The following ATF3 variants were observed in gnomAD, a reference collection of about 807,000 sequenced individuals.
The protein encoded by ATF3 is cyclic AMP-dependent transcription factor ATF-3.
In ATF3, 10 loss-of-function variants were observed where a neutral mutation model predicts 18.4. The ratio of observed to expected loss-of-function variants is 0.54; its 90% CI spans 0.34 to 0.92. The LOEUF is 0.92. Among genes scored for constraint, ATF3 ranks in the 40% least tolerant of loss-of-function variants. ATF3 has a pLI of 0.02. For missense variants in ATF3, 183 were observed against 222.3 expected (o/e 0.82, Z 1.12); for synonymous variants, 78 against 87.9 (o/e 0.89, Z 0.63).
At chr1:212,567,527 G>A (rs1664406493) in intron 1 of ATF3, among the ~76,000 whole-genome samples, 1 of 152,170 alleles carries the variant, frequency 6.6e-6, no homozygotes. Context: ...TCCAGATCTA[G>A]CATTGTTATC....
At chr1:212,614,380 A>C (rs929205119) in intron 1 of ATF3, among the ~76,000 whole-genome samples, 2 of 152,130 alleles carry the variant, frequency 1.3e-5, no homozygotes, top group African/African-American at 4.8e-5. Context: ...ACTGGGGTGA[A>C]GAAACGCACC....
intron 1 of ATF3, among the ~76,000 whole-genome samples, chr1:212,602,220 G>A (rs1324150014): frequency 6.6e-6 from 1 of 152,164 alleles, no homozygotes; most frequent in African/African-American, 2.4e-5. Flanking sequence ...CCCAAGGATA[G>A]TATGCCTTGC....
rs1359628691 is a variant in ATF3 at position 212,619,601 on chromosome 1, A to G, written c.*46A>G. 1.2e-6 allele frequency: 2 copies of G among 1,606,214 alleles called. No homozygotes were observed. Among genetic ancestry groups the G allele is most frequent in the Non-Finnish European group, 1.7e-6 (2 of 1,175,936 alleles). The stretch of plus-strand genomic sequence containing the variant: ...ACTGGGGAGTCCTCATTGAATCCTC[A>G]TTTTATACCCAAAACCCTGAAGCCA... On this transcript the variant is annotated 3_prime_UTR_variant, in exon 4 of 4. Transcript: ENST00000341491. The surrounding 1 kb of genome is among the most constrained non-coding windows in gnomAD (Gnocchi z 4.4).
At chr1:212,566,553 C>T (rs1664386096) in intron 1 of ATF3, among the ~76,000 whole-genome samples, 1 of 152,116 alleles carries the variant, frequency 6.6e-6, no homozygotes, top group African/African-American at 2.4e-5. Context: ...TTTGGGGTTA[C>T]TGGCAGGTTG....
chr1:212,568,836 C>T (rs1438311627), intron 1 of ATF3, among the ~76,000 whole-genome samples: 4 of 152,206 alleles, frequency 2.6e-5, no homozygotes, highest in Non-Finnish European at 5.9e-5. Context: ...ACCTCCCCAA[C>T]TCCGTCGTTA....
At chr1:212,601,275 AG>A (rs975505266) in intron 1 of ATF3, among the ~76,000 whole-genome samples, 6 of 152,310 alleles carry the variant, frequency 3.9e-5, no homozygotes, top group East Asian at 1.9e-4. Flanking sequence ...CAAATTTGGC[AG>A]GGGGGAAAGT....
At chr1:212,593,375 G>A (rs1664926294) in intron 1 of ATF3, among the ~76,000 whole-genome samples, 2 of 151,734 alleles carry the variant, frequency 1.3e-5, no homozygotes, top group South Asian at 2.1e-4. Context: ...CATCAACATG[G>A]TACATGTATA....
chr1:212,585,898 G>A (rs1262472292), intron 1 of ATF3, among the ~76,000 whole-genome samples: 2 of 152,120 alleles, frequency 1.3e-5, no homozygotes, highest in Non-Finnish European at 2.9e-5. Context: ...CAGTGGCTTT[G>A]TTGAGGTGTG....
In ATF3 at chr1:212,589,671, G is replaced by A. The variant is rs145972481; in HGVS notation, c.-5+24188G>A. On this transcript the variant is annotated intron_variant, in intron 1 of 3. Transcript: ENST00000366981. The stretch of plus-strand genomic sequence containing the variant: ...GCACTCCAGCTTGCACAACAAGAGT[G>A]AGACACCGTCTCAAAAAAAAAAAGA... Among the ~76,000 whole-genome samples, 126 of 143,614 alleles carry A rather than the reference G, an allele frequency of 8.8e-4. 1 individual carries two copies. Among genetic ancestry groups the A allele is most frequent in the African/African-American group, 3.0e-3 (113 of 37,608 alleles). The allele number at this position is 143,614 out of a possible 152,430, so 94.2% of individuals were successfully genotyped here.
chr1:212,574,649 A>G (rs1437509820), intron 1 of ATF3, among the ~76,000 whole-genome samples: 1 of 152,082 alleles, frequency 6.6e-6, no homozygotes. Context: ...TCAAGGTTGC[A>G]AAGTTTTGCC....
intron 1 of ATF3, among the ~76,000 whole-genome samples, chr1:212,594,842 A>G (rs764721417): frequency 2.0e-5 from 3 of 152,224 alleles, no homozygotes; most frequent in Non-Finnish European, 4.4e-5. Flanking sequence ...AGGGGAAAGA[A>G]GAGAGTGTTG....
intron 1 of ATF3, among the ~76,000 whole-genome samples, chr1:212,570,480 C>A (rs1010756072): frequency 2.6e-5 from 4 of 152,078 alleles, no homozygotes; most frequent in Non-Finnish European, 5.9e-5. Flanking sequence ...GTGATGGTTG[C>A]ACATATCTAT....
intron 1 of ATF3, among the ~76,000 whole-genome samples, chr1:212,585,229 C>T (rs1400825936): frequency 6.6e-6 from 1 of 152,192 alleles, no homozygotes; most frequent in Admixed American, 6.5e-5. Flanking sequence ...TCTGGGGCTG[C>T]TGAGCCCAGG....
chr1:212,571,996 G>GC (rs1216939602), intron 1 of ATF3, among the ~76,000 whole-genome samples: 1 of 149,912 alleles, frequency 6.7e-6, no homozygotes. Context: ...ACAGGCGTGA[G>GC]CCACCGCGCC....
In ATF3 at chr1:212,618,809, G is replaced by A; in HGVS notation, c.349-549G>A. On this transcript the variant is annotated intron_variant, in intron 3 of 3. Transcript: ENST00000341491. The surrounding 1 kb of genome is among the most constrained non-coding windows in gnomAD (Gnocchi z 4.4). ...TTTGTGGGCAAGCAGGGTGGCCGGT[G>A]GTGCTCAGCAGTCTTTCCAGTGGCT... 1.7e-6 allele frequency: 1 copy of A among 594,262 alleles called. No homozygotes were observed. 36.8% of individuals were successfully genotyped at this position (594,262 alleles called of 1,614,324 possible).
rs76660260 is a variant in ATF3, at chr1:212,585,793, G to A, written c.-5+20310G>A. On this transcript the variant is annotated intron_variant, in intron 1 of 3. Transcript: ENST00000366981. Reference sequence around the variant, plus strand: ...TCTTCCTGGAGGGGTCTCAGTTCTAGGTGTGTGTGTGTGTGTATGCATGTA... The same window carrying A: ...TCTTCCTGGAGGGGTCTCAGTTCTAAGTGTGTGTGTGTGTGTATGCATGTA... Among the ~76,000 whole-genome samples, 11 of 151,144 alleles carry A rather than the reference G, an allele frequency of 7.3e-5. No individual in the cohort carries two copies. The East Asian group carries it at 7.8e-4, about 11-fold the overall frequency.
intron 1 of ATF3, among the ~76,000 whole-genome samples, chr1:212,580,994 C>A (rs1664674074): frequency 6.6e-6 from 1 of 152,160 alleles, no homozygotes; most frequent in African/African-American, 2.4e-5. Flanking sequence ...GTCTCGGACT[C>A]CTGGCCTCAA....
In ATF3 at chr1:212,596,508, G is replaced by T. The variant is rs530521821; in HGVS notation, c.-4-18510G>T. Among the ~76,000 whole-genome samples, 54 of 152,372 alleles carry T rather than the reference G, an allele frequency of 3.5e-4. 1 individual carries two copies. The South Asian group carries it at 6.4e-3, about 18-fold the overall frequency. On this transcript the variant is annotated intron_variant, in intron 1 of 3. Transcript: ENST00000366981. ...GCTTTGGTGATAAAAGAGAAACACA[G>T]ACAGTGACTCAGGTGGAACATTCGT...
chr1:212,618,428 G>A lies in ATF3; in HGVS notation c.348+194G>A, dbSNP rs1655226718. 1 of 645,148 alleles carries A rather than the reference G, an allele frequency of 1.6e-6. No homozygotes were observed. The highest frequency in any genetic ancestry group is 2.8e-6 in the Non-Finnish European group (1 of 358,534). 40.0% of individuals were successfully genotyped at this position (645,148 alleles called of 1,614,324 possible). On this transcript the variant is annotated intron_variant, in intron 3 of 3. Coordinates refer to ENST00000341491, the MANE Select transcript of ATF3 (RefSeq NM_001674.4). The surrounding 1 kb of genome is among the most constrained non-coding windows in gnomAD (Gnocchi z 4.4). ...CAGTTAACACAATGGATGTGACGGT[G>A]GATGTATAAAAACAGGTGTGTGAAT...
Sources: gnomAD v4.1 joint callset for allele counts (sites outside exome capture counted in the v4.1 genomes callset) on GRCh38, gnomAD v4.1.1 for gene constraint, Gnocchi (gnomAD v3.1) non-coding constraint, MANE v1.5 for transcripts, NCBI Gene and HGNC (gene_info 2026-07-23, HGNC 2026-07-21) for gene names.